Variants in KCNH8 observed in about 807,000 individuals in gnomAD.
KCNH8 encodes potassium voltage-gated channel subfamily H member 8.
A neutral mutation model predicts 103.6 loss-of-function variants in KCNH8; 70 were observed. The ratio of observed to expected loss-of-function variants is 0.68; its 90% CI spans 0.56 to 0.82. The LOEUF is 0.82. Among genes scored for constraint, KCNH8 ranks in the 40% least tolerant of loss-of-function variants. The pLI is 0.00. For synonymous variants in KCNH8, 498 were observed against 489.4 expected, an observed-to-expected ratio of 1.02 and a Z score of -0.23; for missense variants, 1,217 against 1,329.9, an observed-to-expected ratio of 0.92 and a Z score of 1.32.
chr3:19,235,937 C>G (rs2064059126), intron 1 of KCNH8, among the ~76,000 whole-genome samples: 1 of 152,164 alleles, frequency 6.6e-6, no homozygotes, highest in Admixed American at 6.5e-5. Flanking sequence ...TTTGATAAAA[C>G]AGATTTCAAC....
chr3:19,327,623 A>T (rs1247071507), intron 3 of KCNH8, among the ~76,000 whole-genome samples: 1 of 152,090 alleles, frequency 6.6e-6, no homozygotes, highest in East Asian at 1.9e-4. Flanking sequence ...CTAACCTTTT[A>T]TTACACTTTC....
At chr3:19,369,996 T>G (rs1462663686) in intron 5 of KCNH8, among the ~76,000 whole-genome samples, 1 of 152,124 alleles carries the variant, frequency 6.6e-6, no homozygotes, top group Non-Finnish European at 1.5e-5. Context: ...AGTGTATGCC[T>G]GATCATGTCA....
intron 11 of KCNH8, among the ~76,000 whole-genome samples, chr3:19,472,804 C>T (rs1411372978): frequency 6.6e-6 from 1 of 152,066 alleles, no homozygotes; most frequent in Non-Finnish European, 1.5e-5. Flanking sequence ...GTAAATCTCC[C>T]ATGGGCATCA....
At chr3:19,232,966 A>G (rs1397778489) in intron 1 of KCNH8, among the ~76,000 whole-genome samples, 1 of 152,128 alleles carries the variant, frequency 6.6e-6, no homozygotes, top group Non-Finnish European at 1.5e-5. Context: ...TTCAACCTAA[A>G]TAAGTCCCCT....
chr3:19,349,609 G>T (rs1415676135), intron 5 of KCNH8, among the ~76,000 whole-genome samples: 1 of 151,902 alleles, frequency 6.6e-6, no homozygotes, highest in Non-Finnish European at 1.5e-5. Flanking sequence ...ATTCTTCCTG[G>T]TTCTTAGATA....
At chr3:19,520,118 T>C (rs1575169560) in intron 15 of KCNH8, among the ~76,000 whole-genome samples, 1 of 151,798 alleles carries the variant, frequency 6.6e-6, no homozygotes, top group South Asian at 2.1e-4. Context: ...CTGTGGTACA[T>C]GTGCAGAATG....
chr3:19,294,634 A>C (rs867507816), intron 3 of KCNH8, among the ~76,000 whole-genome samples: 1 of 152,194 alleles, frequency 6.6e-6, no homozygotes, highest in African/African-American at 2.4e-5. Context: ...AGCTATGTTT[A>C]AAAAATGATC....
chr3:19,468,784 A>G (rs1403532282), intron 11 of KCNH8, among the ~76,000 whole-genome samples: 1 of 152,184 alleles, frequency 6.6e-6, no homozygotes. Context: ...TGCTATATCC[A>G]TGAGATTCGA....
At chr3:19,336,905 A>G (rs1300044785) in intron 3 of KCNH8, among the ~76,000 whole-genome samples, 1 of 152,046 alleles carries the variant, frequency 6.6e-6, no homozygotes, top group Non-Finnish European at 1.5e-5. Context: ...AAAACCTAAA[A>G]TGACAACTGG....
chr3:19,349,774 A>G (rs1045077599), intron 5 of KCNH8, among the ~76,000 whole-genome samples: 9 of 152,082 alleles, frequency 5.9e-5, no homozygotes, highest in African/African-American at 1.7e-4. Flanking sequence ...TACTAAACCA[A>G]TGGAGACTCA....
chr3:19,489,552 T>A (rs959127454), intron 11 of KCNH8, among the ~76,000 whole-genome samples: 2 of 152,162 alleles, frequency 1.3e-5, no homozygotes, highest in Non-Finnish European at 2.9e-5. Context: ...AACGTACCTG[T>A]AATGCTGGCC....
At chr3:19,393,164 T>C (rs900440814) in intron 6 of KCNH8, among the ~76,000 whole-genome samples, 1 of 151,984 alleles carries the variant, frequency 6.6e-6, no homozygotes, top group Non-Finnish European at 1.5e-5. Flanking sequence ...AGTGACAGAT[T>C]TGAAACAGCA....
chr3:19,315,818 T>C (rs182083589), intron 3 of KCNH8, among the ~76,000 whole-genome samples: 56 of 152,098 alleles, frequency 3.7e-4, no homozygotes, highest in Non-Finnish European at 7.5e-4. Flanking sequence ...GGCACTATAA[T>C]TTTTCTTTTA....
intron 7 of KCNH8, among the ~76,000 whole-genome samples, chr3:19,437,209 A>G (rs1424488068): frequency 6.6e-6 from 1 of 152,046 alleles, no homozygotes; most frequent in Non-Finnish European, 1.5e-5. Flanking sequence ...TTATGAGTTG[A>G]GCTGCATTGT....
intron 7 of KCNH8, among the ~76,000 whole-genome samples, chr3:19,418,881 T>G (rs1312308620): frequency 1.3e-5 from 2 of 152,232 alleles, no homozygotes; most frequent in Non-Finnish European, 2.9e-5. Flanking sequence ...CTCATGCTCT[T>G]TATACTTGCA....
At chr3:19,525,800 A>G (rs150771851) in intron 15 of KCNH8, among the ~76,000 whole-genome samples, 3 of 152,042 alleles carry the variant, frequency 2.0e-5, no homozygotes, top group African/African-American at 7.2e-5. Flanking sequence ...TTACCTTCCA[A>G]CATTCTAGTC....
intron 1 of KCNH8, among the ~76,000 whole-genome samples, chr3:19,215,796 A>G (rs1215280221): frequency 6.6e-6 from 1 of 152,188 alleles, no homozygotes; most frequent in Non-Finnish European, 1.5e-5. Context: ...CAGAGAGACA[A>G]TTTACCCACG....
intron 5 of KCNH8, among the ~76,000 whole-genome samples, chr3:19,367,821 A>T (rs2066034051): frequency 6.6e-6 from 1 of 152,046 alleles, no homozygotes; most frequent in Admixed American, 6.6e-5. Context: ...AACAAAGAGC[A>T]GGTAACTTGG....
intron 4 of KCNH8, among the ~76,000 whole-genome samples, chr3:19,343,684 C>T (rs2065691614): frequency 1.3e-5 from 2 of 152,024 alleles, no homozygotes; most frequent in Admixed American, 1.3e-4. Context: ...AGAGGGGATC[C>T]TTTGGCATTT....
Sources: gnomAD v4.1 joint callset for allele counts (sites outside exome capture counted in the v4.1 genomes callset) on GRCh38, gnomAD v4.1.1 for gene constraint, MANE v1.5 for transcripts, NCBI Gene and HGNC (gene_info 2026-07-23, HGNC 2026-07-21) for gene names.